AGBL1: variants seen among roughly 807,000 people sequenced by gnomAD.
AGBL1 encodes cytosolic carboxypeptidase 4.
AGBL1 carries 130 observed loss-of-function variants against 118.9 expected under a neutral mutation model. The observed-to-expected ratio is 1.09, with a 90% CI of 0.95 to 1.26. The LOEUF (loss-of-function observed/expected upper bound fraction) is 1.26, where lower values mean the gene tolerates loss of function less well. Among genes scored for constraint, AGBL1 ranks in the 50% most tolerant of loss-of-function variants. AGBL1 has a pLI of 0.00. For synonymous variants in AGBL1, 555 were observed against 478.9 expected, an observed-to-expected ratio of 1.16 and a Z score of -2.08; for missense variants, 1,584 against 1,298.1, an observed-to-expected ratio of 1.22 and a Z score of -3.38.
intron 1 of AGBL1, among the ~76,000 whole-genome samples, chr15:86,080,541 A>G (rs144636181): frequency 6.6e-6 from 1 of 152,290 alleles, no homozygotes; most frequent in East Asian, 1.9e-4. Context: ...TCTGACTAGA[A>G]GGTGTTTGAA....
chr15:86,578,470 A>G (rs942491928), intron 21 of AGBL1, among the ~76,000 whole-genome samples: 2 of 152,180 alleles, frequency 1.3e-5, no homozygotes, highest in African/African-American at 2.4e-5. Context: ...CTTTTGAGTT[A>G]ATGCAGAAAT....
intron 24 of AGBL1, among the ~76,000 whole-genome samples, chr15:87,017,833 G>T (rs894124184): frequency 5.3e-5 from 8 of 152,106 alleles, no homozygotes; most frequent in African/African-American, 1.9e-4. Flanking sequence ...TCAGAAGGTG[G>T]ATAATAATAA....
At chr15:86,534,481 C>T (rs1567044348) in intron 19 of AGBL1, among the ~76,000 whole-genome samples, 1 of 152,124 alleles carries the variant, frequency 6.6e-6, no homozygotes, top group Non-Finnish European at 1.5e-5. Context: ...CTTGGGGTTA[C>T]TACACAGGGC....
intron 21 of AGBL1, among the ~76,000 whole-genome samples, chr15:86,672,862 A>C (rs1314047177): frequency 6.6e-6 from 1 of 152,222 alleles, no homozygotes; most frequent in Non-Finnish European, 1.5e-5. Context: ...GTGTCAAAAC[A>C]TGCAGCAAAT....
intron 21 of AGBL1, among the ~76,000 whole-genome samples, chr15:86,571,894 C>G (rs954797768): frequency 3.3e-5 from 5 of 152,162 alleles, no homozygotes; most frequent in African/African-American, 1.2e-4. Context: ...GAAACTGCCT[C>G]CTGCCGCTGT....
chr15:86,445,781 G>A (rs565951326), intron 18 of AGBL1, among the ~76,000 whole-genome samples: 1 of 152,306 alleles, frequency 6.6e-6, no homozygotes, highest in East Asian at 1.9e-4. Context: ...AAGGGAGCTT[G>A]GTGTCCCAAA....
intron 16 of AGBL1, among the ~76,000 whole-genome samples, chr15:86,288,261 C>T (rs2079485948): frequency 6.6e-6 from 1 of 152,122 alleles, no homozygotes; most frequent in African/African-American, 2.4e-5. Context: ...TAATCTGAAT[C>T]CAGCACTATC....
At position 86,143,935 on chromosome 15, in the gene AGBL1, C is replaced by A. The variant is rs974140336; in HGVS notation, c.262+90C>A. ...AATTTGGGAAGCTTTGGTGGAGTAG[C>A]ACAGGGAGAAAGCGTCAGGGAGGTT... is the stretch of plus-strand genomic sequence containing the variant. On this transcript the variant is annotated intron_variant, in intron 3 of 22. Transcript: ENST00000614907. The A allele has an allele frequency of 6.1e-6, 9 of 1,468,412 alleles. No individual in the cohort carries two copies. In the East Asian group the frequency reaches 1.9e-4, roughly 31 times the overall value. The allele number at this position is 1,468,412 out of a possible 1,614,324, so 91.0% of individuals were successfully genotyped here.
chr15:86,723,512 G>C (rs902585002), intron 22 of AGBL1, among the ~76,000 whole-genome samples: 2 of 152,136 alleles, frequency 1.3e-5, no homozygotes, highest in East Asian at 3.9e-4. Context: ...TTGTGGAGTG[G>C]GGTGAGGGGG....
intron 7 of AGBL1, among the ~76,000 whole-genome samples, chr15:86,253,663 A>G (rs1286399226): frequency 6.6e-6 from 1 of 152,230 alleles, no homozygotes; most frequent in Non-Finnish European, 1.5e-5. Context: ...TTTTATTTCT[A>G]TCAAGTTTGA....
At chr15:86,965,332 T>C (rs2081038197) in intron 23 of AGBL1, among the ~76,000 whole-genome samples, 1 of 152,104 alleles carries the variant, frequency 6.6e-6, no homozygotes, top group Non-Finnish European at 1.5e-5. Context: ...TTCTAACTGG[T>C]GTGAGATGGT....
intron 24 of AGBL1, among the ~76,000 whole-genome samples, chr15:86,999,061 T>A (rs1471906005): frequency 6.6e-6 from 1 of 151,110 alleles, no homozygotes; most frequent in African/African-American, 2.4e-5. Flanking sequence ...TGTGTCCAAG[T>A]GTGCTCACTG....
At chr15:86,406,224 C>T (rs1050783462) in intron 18 of AGBL1, among the ~76,000 whole-genome samples, 13 of 151,998 alleles carry the variant, frequency 8.6e-5, no homozygotes, top group African/African-American at 2.9e-4. Context: ...ACTTGCCTTC[C>T]TATCTTTCTC....
At chr15:86,295,168 A>C in intron 16 of AGBL1, 87 bp from the exon 17 acceptor site, 3 of 1,458,978 alleles carry the variant, frequency 2.1e-6, no homozygotes, top group Non-Finnish European at 2.8e-6. Flanking sequence ...CAATACTTCT[A>C]AACTATATGT....
intron 18 of AGBL1, among the ~76,000 whole-genome samples, chr15:86,509,953 T>A (rs2083033367): frequency 6.6e-6 from 1 of 151,648 alleles, no homozygotes; most frequent in Admixed American, 6.6e-5. Flanking sequence ...CTCATTTTTT[T>A]TTTTTTTTCC....
intron 19 of AGBL1, among the ~76,000 whole-genome samples, chr15:86,538,434 T>C (rs2083453852): frequency 6.6e-6 from 1 of 152,126 alleles, no homozygotes; most frequent in Non-Finnish European, 1.5e-5. Flanking sequence ...GACTAGGAAA[T>C]GTGGTCTTGC....
At chr15:86,156,785 C>CTTT (rs10644257) in intron 4 of AGBL1, among the ~76,000 whole-genome samples, 72,054 of 128,446 alleles carry the variant, frequency 0.56, 20,935 homozygotes, top group African/African-American at 0.82. Context: ...TTTCTTTTTT[C>CTTT]TTTTCTTTCT....
intron 22 of AGBL1, among the ~76,000 whole-genome samples, chr15:86,887,446 G>A (rs1223408587): frequency 2.0e-5 from 3 of 152,150 alleles, no homozygotes; most frequent in African/African-American, 7.2e-5. Flanking sequence ...CTTTTGCGCA[G>A]TTTATACCTG....
chr15:87,015,661 C>G (rs1040633405), intron 24 of AGBL1, among the ~76,000 whole-genome samples: 2 of 152,158 alleles, frequency 1.3e-5, no homozygotes, highest in South Asian at 4.1e-4. Flanking sequence ...TCTCCTAAAG[C>G]ATTTTATGGC....
Sources: gnomAD v4.1 joint callset for allele counts (sites outside exome capture counted in the v4.1 genomes callset) on GRCh38, gnomAD v4.1.1 for gene constraint, MANE v1.5 for transcripts, NCBI Gene and HGNC (gene_info 2026-07-23, HGNC 2026-07-21) for gene names.